ZNF704: variants seen among roughly 807,000 people sequenced by gnomAD.
ZNF704 encodes the protein zinc finger protein 704, also known as glucocorticoid induced gene 1.
In ZNF704, 10 loss-of-function variants were observed where a neutral mutation model predicts 44.7. The ratio of observed to expected loss-of-function variants is 0.22; its 90% CI spans 0.14 to 0.38. The LOEUF is 0.38. Among genes scored for constraint, ZNF704 ranks in the 10% least tolerant of loss-of-function variants. The probability of loss-of-function intolerance (pLI) is 1.00; values close to 1 mark genes in which losing one functional copy is unlikely to be tolerated. For synonymous variants in ZNF704, 211 were observed against 207.6 expected (o/e 1.02, Z -0.14); for missense variants, 390 against 545.5 (o/e 0.71, Z 2.84).
intron 2 of ZNF704, among the ~76,000 whole-genome samples, chr8:80,701,527 C>A (rs1243984106): frequency 6.6e-6 from 1 of 152,052 alleles, no homozygotes; most frequent in Non-Finnish European, 1.5e-5. Flanking sequence ...TGTCTTTATC[C>A]TCCTTCAACA....
intron 1 of ZNF704, among the ~76,000 whole-genome samples, chr8:80,834,014 A>C (rs1370853705): frequency 6.6e-6 from 1 of 152,044 alleles, no homozygotes; most frequent in Non-Finnish European, 1.5e-5. Context: ...TCTTGAGCAA[A>C]AGCCTTATGA....
chr8:80,723,362 G>T (rs76619201), intron 2 of ZNF704, among the ~76,000 whole-genome samples: 3,398 of 152,108 alleles, frequency 0.022, 130 homozygotes, highest in African/African-American at 0.077. Context: ...AGAAAAAAAC[G>T]TTAAACCGTC....
rs150544839 is a variant in ZNF704, at chr8:80,676,063, C to T, written c.559-5460G>A. 4.1e-4 allele frequency among the ~76,000 whole-genome samples: 62 copies of T among 152,270 alleles called. No individual in the cohort carries two copies. The East Asian group carries it at 0.011, about 27-fold the overall frequency. On this transcript the variant is annotated intron_variant, in intron 4 of 8. Transcript: ENST00000327835. ...AAGTGTCTTAGGAAGGAAGATGTGA[C>T]CAACTGTGTTGAACAAGGACTGGGA...
intron 6 of ZNF704, among the ~76,000 whole-genome samples, chr8:80,664,189 C>T (rs185820157): frequency 1.3e-4 from 20 of 150,628 alleles, no homozygotes; most frequent in African/African-American, 4.6e-4. Flanking sequence ...CTCCGTCTCT[C>T]GGGTTCAAGC....
chr8:80,669,685 A>T (rs1161887703), intron 5 of ZNF704, among the ~76,000 whole-genome samples: 1 of 152,224 alleles, frequency 6.6e-6, no homozygotes, highest in Non-Finnish European at 1.5e-5. Context: ...CTCTGTGTCC[A>T]AGCACACAGG....
At chr8:80,855,953 T>C (rs1808953924) in intron 1 of ZNF704, among the ~76,000 whole-genome samples, 1 of 152,164 alleles carries the variant, frequency 6.6e-6, no homozygotes, top group Non-Finnish European at 1.5e-5. Flanking sequence ...CAGAGTTACA[T>C]CTAATGCCTG....
intron 2 of ZNF704, among the ~76,000 whole-genome samples, chr8:80,800,858 C>T (rs922202182): frequency 5.3e-5 from 8 of 152,046 alleles, no homozygotes; most frequent in Non-Finnish European, 7.4e-5. Context: ...TTAAAAGACA[C>T]AGAATGGCAA....
At position 80,801,405 on chromosome 8, in the gene ZNF704, C is replaced by G. The variant is rs567566633; in HGVS notation, c.221+19969G>C. On this transcript the variant is annotated intron_variant, in intron 2 of 8. Transcript: ENST00000327835. ...ACAAGGCACTTACTCTAAAACTGAT[C>G]ACATAATCAGAAGTAAAAACACTCT... Among the ~76,000 whole-genome samples the G allele has an allele frequency of 3.3e-5, 5 of 152,262 alleles. No individual in the cohort carries two copies. In the South Asian group the frequency reaches 1.0e-3, roughly 32 times the overall value.
chr8:80,684,916 A>G (rs1201128177), intron 4 of ZNF704, among the ~76,000 whole-genome samples: 2 of 152,192 alleles, frequency 1.3e-5, no homozygotes, highest in Non-Finnish European at 1.5e-5. Flanking sequence ...GTAACTTTAA[A>G]TTCAAAAGGC....
intron 4 of ZNF704, among the ~76,000 whole-genome samples, chr8:80,672,992 C>T (rs558409172): frequency 2.1e-4 from 32 of 152,148 alleles, no homozygotes; most frequent in African/African-American, 6.7e-4. Context: ...ATAACAATAC[C>T]TTGAAGTGGG....
At chr8:80,698,541 T>G (rs147121212) in intron 2 of ZNF704, among the ~76,000 whole-genome samples, 3 of 152,220 alleles carry the variant, frequency 2.0e-5, no homozygotes, top group East Asian at 3.9e-4. Flanking sequence ...TCAAGTGGAA[T>G]GGGGTTGGGA....
chr8:80,760,609 T>C (rs1563544209), intron 2 of ZNF704, among the ~76,000 whole-genome samples: 1 of 147,456 alleles, frequency 6.8e-6, no homozygotes, highest in Non-Finnish European at 1.5e-5. Context: ...TGAGCCGAGA[T>C]TGTGTCACTG....
intron 1 of ZNF704, among the ~76,000 whole-genome samples, chr8:80,865,197 AAAAT>A (rs1809134044): frequency 1.3e-5 from 2 of 152,206 alleles, no homozygotes. Context: ...ATCCCAAAAC[AAAAT>A]AAATTGCCAC....
chr8:80,697,466 G>A (rs537469200), intron 2 of ZNF704, among the ~76,000 whole-genome samples: 5 of 152,270 alleles, frequency 3.3e-5, no homozygotes, highest in Admixed American at 1.3e-4. Flanking sequence ...CTGTGAGTAC[G>A]GACCTTCCTG....
intron 4 of ZNF704, among the ~76,000 whole-genome samples, chr8:80,680,035 C>T (rs1818428178): frequency 6.6e-6 from 1 of 152,100 alleles, no homozygotes; most frequent in Non-Finnish European, 1.5e-5. Flanking sequence ...GCTTGCCCTA[C>T]CAATAGTAAG....
rs1425114644 is a variant in ZNF704 at position 80,631,301 on chromosome 8, G to A, written c.*10065C>T. On this transcript the variant is annotated 3_prime_UTR_variant, in exon 9 of 9. Transcript: ENST00000327835. ...GCAGCCGCTCTTCCTCTTTCCTCTC[G>A]GTCCCAGCCATCTGTGCCCAAAACA... 6.6e-6 allele frequency: 1 copy of A among 152,072 alleles called. No individual in the cohort carries two copies. The highest frequency in any genetic ancestry group is 2.4e-5 in the African/African-American group (1 of 41,412). The allele number at this position is 152,072 out of a possible 1,614,324, so 9.4% of individuals were successfully genotyped here.
At chr8:80,782,273 T>C (rs1360392702) in intron 2 of ZNF704, among the ~76,000 whole-genome samples, 1 of 152,174 alleles carries the variant, frequency 6.6e-6, no homozygotes, top group Non-Finnish European at 1.5e-5. Context: ...GGGCTCGAAA[T>C]AACAAGATGA....
intron 8 of ZNF704, among the ~76,000 whole-genome samples, 154 bp from the exon 9 acceptor site, chr8:80,641,631 G>A (rs1817745793): frequency 6.6e-6 from 1 of 151,782 alleles, no homozygotes; most frequent in East Asian, 1.9e-4. Flanking sequence ...ACTTTGGGAG[G>A]CTGAGGTGGG....
Position 80,637,662 on chromosome 8 carries a change from A to G in ZNF704, c.*3704T>C, listed in dbSNP as rs1310061995. ...TCAAGAATTGTGTCATTCTCTATTG[A>G]AAATTTTCATCTGCAATATGGTTAT... On this transcript the variant is annotated 3_prime_UTR_variant, in exon 9 of 9. Coordinates refer to ENST00000327835, the MANE Select transcript of ZNF704 (RefSeq NM_001033723.3). The G allele has an allele frequency of 6.6e-6, 1 of 151,988 alleles. No individual in the cohort carries two copies. Among genetic ancestry groups the G allele is most frequent in the Non-Finnish European group, 1.5e-5 (1 of 67,942 alleles). 9.4% of individuals were successfully genotyped at this position (151,988 alleles called of 1,614,324 possible).
Sources: gnomAD v4.1 joint callset for allele counts (sites outside exome capture counted in the v4.1 genomes callset) on GRCh38, gnomAD v4.1.1 for gene constraint, MANE v1.5 for transcripts, NCBI Gene and HGNC (gene_info 2026-07-23, HGNC 2026-07-21) for gene names.